The following GMPR2 variants were observed in gnomAD, a reference collection of about 807,000 sequenced individuals.
GMPR2 encodes the protein GMP reductase 2.
GMPR2 carries 32 observed loss-of-function variants against 38.5 expected under a neutral mutation model. The observed-to-expected ratio is 0.83, with a 90% CI of 0.63 to 1.12. The LOEUF (loss-of-function observed/expected upper bound fraction) is 1.12, where lower values mean the gene tolerates loss of function less well. Among genes scored for constraint, GMPR2 ranks in the 50% most tolerant of loss-of-function variants. GMPR2 has a pLI of 0.00. For synonymous variants in GMPR2, 154 were observed against 151.0 expected, an observed-to-expected ratio of 1.02 and a Z score of -0.15; for missense variants, 396 against 432.1, an observed-to-expected ratio of 0.92 and a Z score of 0.74.
At chr14:24,235,886 TG>T in intron 4 of GMPR2, 66 bp downstream of exon 4, 1 of 1,588,018 alleles carries the variant, frequency 6.3e-7, no homozygotes, top group East Asian at 2.2e-5. Context: ...TTTGGCTTTC[TG>T]GGGACCAGCA....
At chr14:24,233,415 C>T in intron 2 of GMPR2, 64 bp from the exon 3 acceptor site, 2 of 1,609,276 alleles carry the variant, frequency 1.2e-6, no homozygotes, top group Middle Eastern at 3.3e-4. Context: ...GATGCCTGTC[C>T]TTGTCCTAAT....
At chr14:24,237,012 A>G in intron 5 of GMPR2, 59 bp from the exon 6 acceptor site, 2 of 1,250,758 alleles carry the variant, frequency 1.6e-6, no homozygotes, top group East Asian at 4.6e-5. Context: ...ATACCGTAAC[A>G]ATACATGACC....
rs1281524523 is a variant in GMPR2, at chr14:24,236,152, T to C, written c.465+12T>C. On this transcript the variant is annotated intron_variant, in intron 5 of 9. Coordinates refer to ENST00000399440, the MANE Select transcript of GMPR2 (RefSeq NM_001002002.3). ...AGCACACCATCATGGTATGTTTCTA[T>C]TACAGTCGGTACCTTTTTATCTTTC... 1.2e-6 allele frequency: 2 copies of C among 1,605,646 alleles called. No individual in the cohort carries two copies.
chr14:24,236,096 T>G lies in GMPR2; in HGVS notation c.421T>G (p.Phe141Val). 6.2e-7 allele frequency: 1 copy of G among 1,614,192 alleles called. No individual in the cohort carries two copies. The highest frequency in any genetic ancestry group is 8.5e-7 in the Non-Finnish European group (1 of 1,179,996). The part of the protein sequence containing the change: ...ANGYSEHFVE[F>V]VKDVRKRFPQ... ...TGGCTACTCTGAACACTTTGTTGAA[T>G]TTGTAAAAGATGTACGGAAGCGCTT... The change falls in exon 5 of 10, where the codon TTT (phenylalanine) becomes GTT (valine). Residue 141 changes from phenylalanine to valine, a missense_variant. By Grantham distance (50) the Phe-to-Val change is conservative. Transcript: ENST00000399440.
chr14:24,238,936 C>G lies in GMPR2; in HGVS notation c.*158C>G, dbSNP rs754883165. On this transcript the variant is annotated 3_prime_UTR_variant, in exon 10 of 10. Coordinates refer to ENST00000399440, the MANE Select transcript of GMPR2 (RefSeq NM_001002002.3). ...CTGCAGTAACTCTGTACTTCTCTAT[C>G]TGCACACACAAAATGCCCAAGGCAC... 1.4e-6 allele frequency: 1 copy of G among 710,952 alleles called. No individual in the cohort carries two copies. Among genetic ancestry groups the G allele is most frequent in the Non-Finnish European group, 2.5e-6 (1 of 395,980 alleles). The allele number at this position is 710,952 out of a possible 1,614,324, so 44.0% of individuals were successfully genotyped here.
chr14:24,238,625 A>G lies in GMPR2; in HGVS notation c.894A>G (p.Lys298=). ...SEGKTVEVPF[K]GDVEHTIRDI... is the part of the protein sequence containing the mutation. ...GAAAGACAGTGGAAGTTCCTTTTAA[A>G]GGAGATGTGGAACATACCATCCGAG... is the stretch of plus-strand genomic sequence containing the variant. Residue 298 remains lysine (K), a synonymous_variant, in exon 10 of 10, where the codon AAA becomes AAG. Transcript: ENST00000399440. 2.5e-6 allele frequency: 4 copies of G among 1,614,134 alleles called. No homozygotes were observed. Among genetic ancestry groups the G allele is most frequent in the Non-Finnish European group, 3.4e-6 (4 of 1,180,002 alleles).
At chr14:24,238,549 A>G in intron 9 of GMPR2, 40 bp from the exon 10 acceptor site, 5 of 1,613,990 alleles carry the variant, frequency 3.1e-6, no homozygotes, top group Non-Finnish European at 3.4e-6. Context: ...GGCTTAAGGA[A>G]TCCAGAAGGA....
chr14:24,234,011 C>G (rs914251098), intron 3 of GMPR2: 1 of 972,132 alleles, frequency 1.0e-6, no homozygotes, highest in African/African-American at 1.7e-5. Flanking sequence ...CTAGAAGATC[C>G]TAGGAGAAGC....
chr14:24,233,880 T>C (rs1009739446), intron 3 of GMPR2: 7 of 544,392 alleles, frequency 1.3e-5, no homozygotes, highest in South Asian at 9.9e-5. Flanking sequence ...CTTGCCAACT[T>C]TTCCCACCAC....
chr14:24,233,292 G>A lies in GMPR2; in HGVS notation c.39G>A (p.Lys13=), dbSNP rs750532024. The change falls in exon 2 of 10, where the codon AAG becomes AAA. Residue 13 remains lysine, a synonymous_variant. Transcript: ENST00000399440. ...ACAACGATGTGAAACTGGACTTCAA[G>A]GATGTCCTTTTGAGGCCCAAACGCA... ...HIDNDVKLDF[K]DVLLRPKRST... is the part of the protein sequence containing the mutation. 1 of 1,613,896 alleles carries A rather than the reference G, an allele frequency of 6.2e-7. No homozygotes were observed. The highest frequency in any genetic ancestry group is 2.2e-5 in the East Asian group (1 of 44,900).
rs1566361456 is a variant in GMPR2, at chr14:24,238,673, T to TA, written c.943dup (p.Thr315AsnfsTer9). ...GAGACATCCTAGGAGGGATCCGCTC[T>TA]ACGTGTACCTATGTGGGAGCAGCTA... On this transcript the variant is annotated frameshift_variant, in exon 10 of 10. Transcript: ENST00000399440. LOFTEE classifies it high-confidence loss of function. 6.2e-7 allele frequency: 1 copy of TA among 1,613,728 alleles called. No homozygotes were observed. Among genetic ancestry groups the TA allele is most frequent in the East Asian group, 2.2e-5 (1 of 44,904 alleles).
At chr14:24,235,499 C>T (rs1056633941) in intron 3 of GMPR2, 6 of 537,864 alleles carry the variant, frequency 1.1e-5, no homozygotes, top group South Asian at 2.5e-5. Context: ...GAAATCCAAC[C>T]CAGATCACTC....
chr14:24,238,764 A>G lies in GMPR2; in HGVS notation c.1033A>G (p.Ser345Gly). The G allele has an allele frequency of 6.2e-7, 1 of 1,613,250 alleles. No individual in the cohort carries two copies. The highest frequency in any genetic ancestry group is 1.1e-5 in the South Asian group (1 of 91,048). ...RVTQQVNPIF[S>G]EAC ...CACCCAGCAGGTGAATCCAATCTTC[A>G]GTGAGGCGTGCTAGACCTGAGCAGT... The change falls in exon 10 of 10, where the codon AGT becomes GGT. Residue 345 changes from serine (S) to glycine (G), a missense_variant. Physicochemically the swap from Ser to Gly is moderately conservative, Grantham distance 56. Coordinates refer to ENST00000399440, the MANE Select transcript of GMPR2 (RefSeq NM_001002002.3).
At chr14:24,234,119 G>T (rs1005481349) in intron 3 of GMPR2, 24 of 1,289,188 alleles carry the variant, frequency 1.9e-5, no homozygotes, top group Non-Finnish European at 2.3e-5. Flanking sequence ...CTAGGTTCCT[G>T]GGAGTTTCTG....
At chr14:24,237,904 G>A (rs1408802904) in intron 8 of GMPR2, 5 of 469,984 alleles carry the variant, frequency 1.1e-5, no homozygotes, top group Non-Finnish European at 1.5e-5. Flanking sequence ...TTAAAGTTGG[G>A]GATCTTTGCT....
At chr14:24,238,171 T>G in intron 8 of GMPR2, 75 bp from the exon 9 acceptor site, 2 of 1,280,426 alleles carry the variant, frequency 1.6e-6, no homozygotes, top group Non-Finnish European at 2.2e-6. Flanking sequence ...GAATATGGTG[T>G]GAGTTGCTTT....
At position 24,237,572 on chromosome 14, in the gene GMPR2, T is replaced by C. The variant is rs1309664827; in HGVS notation, c.697+10T>C. The C allele has an allele frequency of 1.2e-6, 2 of 1,612,546 alleles. No individual in the cohort carries two copies. The highest frequency in any genetic ancestry group is 2.2e-5 in the East Asian group (1 of 44,882). On this transcript the variant is annotated intron_variant, in intron 8 of 9. Transcript: ENST00000399440. ...GTGGCCAAGGCTTTTGGTAAGGAGC[T>C]TGAGGGCACAGAAGGATGATTCTAT... is the stretch of plus-strand genomic sequence containing the variant.
At chr14:24,235,532 C>T in intron 3 of GMPR2, 1 of 573,188 alleles carries the variant, frequency 1.7e-6, no homozygotes, top group South Asian at 2.2e-5. Flanking sequence ...GGAAATCTGA[C>T]AAGTACTAGC....
chr14:24,237,316 G>A lies in GMPR2; in HGVS notation c.619G>A (p.Asp207Asn), dbSNP rs1240542723. 6.2e-7 allele frequency: 1 copy of A among 1,611,788 alleles called. No individual in the cohort carries two copies. The highest frequency in any genetic ancestry group is 1.7e-5 in the Admixed American group (1 of 60,022). ...PQLSAVMECA[D>N]AAHGLKGHII... The stretch of plus-strand genomic sequence containing the variant: ...GCTCAGCGCAGTGATGGAGTGTGCA[G>A]ATGCTGCTCATGGCCTCAAAGGCCA... The change falls in exon 7 of 10, where the codon GAT becomes AAT. Residue 207 changes from aspartate to asparagine, a missense_variant. Coordinates refer to ENST00000399440, the MANE Select transcript of GMPR2 (RefSeq NM_001002002.3).
Sources: gnomAD v4.1 joint callset for allele counts on GRCh38, gnomAD v4.1.1 for gene constraint, MANE v1.5 for transcripts, NCBI Gene and HGNC (gene_info 2026-07-23, HGNC 2026-07-21) for gene names.